The following ATG7 variants were observed in gnomAD, a reference collection of about 807,000 sequenced individuals.
ATG7 encodes the protein autophagy related 7, also known as ubiquitin-like modifier-activating enzyme ATG7.
A neutral mutation model predicts 82.4 loss-of-function variants in ATG7; 70 were observed. The observed-to-expected ratio is 0.85, with a 90% CI of 0.70 to 1.04. ATG7 has a LOEUF of 1.04. Ranked by LOEUF, ATG7 falls within the 50% of genes least tolerant of loss-of-function variation. The pLI, the probability that ATG7 is intolerant of heterozygous loss-of-function variation, is 0.00. For missense variants in ATG7, 792 were observed against 864.3 expected, an observed-to-expected ratio of 0.92 and a Z score of 1.05; for synonymous variants, 287 against 313.0, an observed-to-expected ratio of 0.92 and a Z score of 0.88.
chr3:11,434,343 G>T (rs889573653), intron 20 of ATG7, among the ~76,000 whole-genome samples: 1 of 152,230 alleles, frequency 6.6e-6, no homozygotes, highest in African/African-American at 2.4e-5. Flanking sequence ...CCAATGGAGA[G>T]AAATCGCTCT....
the ATG7 span, chr3:11,568,802 C>T: frequency 9.5e-5 from 136 of 1,438,006 alleles, no homozygotes; most frequent in Admixed American, 8.4e-4. The surrounding 1 kb of genome is among the most constrained non-coding windows in gnomAD (Gnocchi z 5.9). Flanking sequence ...CCGAGAGAGC[C>T]CACGGCATCC....
At chr3:11,477,952 A>C (rs1233219330) in intron 20 of ATG7, among the ~76,000 whole-genome samples, 1 of 152,186 alleles carries the variant, frequency 6.6e-6, no homozygotes, top group Non-Finnish European at 1.5e-5. Context: ...AGCAGTCTCT[A>C]TCTTCTACCT....
At chr3:11,530,912 C>G (rs1559805615) in intron 20 of ATG7, among the ~76,000 whole-genome samples, 2 of 152,160 alleles carry the variant, frequency 1.3e-5, no homozygotes, top group Non-Finnish European at 1.5e-5. Context: ...CCCTGGGAGG[C>G]AGAGGTTGCA....
chr3:11,422,145 G>A (rs2081986333), intron 19 of ATG7, among the ~76,000 whole-genome samples: 1 of 152,208 alleles, frequency 6.6e-6, no homozygotes, highest in Admixed American at 6.5e-5. Context: ...GTCACCAGCT[G>A]TTTTGGTCTT....
Position 11,359,573 on chromosome 3 carries a change from G to A in ATG7, c.1479+961G>A, listed in dbSNP as rs115215954. On this transcript the variant is annotated intron_variant, in intron 15 of 20. Coordinates refer to ENST00000693202, the MANE Select transcript of ATG7 (RefSeq NM_001349232.2). ...TAGCTAGGTGTGGTGATGCACACCC[G>A]TGCTCCCAGCTACTCAGGAGGGTGA... Among the ~76,000 whole-genome samples the A allele has an allele frequency of 2.3e-3, 354 of 152,092 alleles. 1 individual carries two copies. The highest frequency in any genetic ancestry group is 7.8e-3 in the African/African-American group (323 of 41,480).
At chr3:11,530,356 T>G (rs1182054477) in intron 20 of ATG7, among the ~76,000 whole-genome samples, 3 of 152,194 alleles carry the variant, frequency 2.0e-5, no homozygotes, top group Non-Finnish European at 4.4e-5. Context: ...CGAGAAGCAC[T>G]CTGCATCGCC....
intron 19 of ATG7, among the ~76,000 whole-genome samples, chr3:11,395,763 A>G (rs968585156): frequency 6.6e-6 from 1 of 151,746 alleles, no homozygotes; most frequent in Admixed American, 6.6e-5. Context: ...ACACGGTGAA[A>G]CCCCGTCTCT....
chr3:11,378,138 C>G (rs892399609), intron 18 of ATG7, among the ~76,000 whole-genome samples: 7 of 148,280 alleles, frequency 4.7e-5, no homozygotes, highest in Non-Finnish European at 8.9e-5. Context: ...CTCAGCCTCC[C>G]GAGGAGCTGG....
At chr3:11,531,267 A>AG (rs2124977034) in intron 20 of ATG7, among the ~76,000 whole-genome samples, 1 of 152,332 alleles carries the variant, frequency 6.6e-6, no homozygotes, top group Admixed American at 6.5e-5. Context: ...GAGGAAGTCA[A>AG]GGAAGAGTAT....
At chr3:11,561,891 C>CTTT (rs35380668), downstream of ATG7, among the ~76,000 whole-genome samples, 2,042 of 88,548 alleles carry the variant, frequency 0.023, 45 homozygotes, top group Middle Eastern at 0.032. Context: ...CTGCGCCAAA[C>CTTT]TTTTTTTTTT....
At chr3:11,330,157 C>T (rs911833279) in intron 9 of ATG7, among the ~76,000 whole-genome samples, 1 of 152,110 alleles carries the variant, frequency 6.6e-6, no homozygotes, top group Non-Finnish European at 1.5e-5. Flanking sequence ...AAATTGATTG[C>T]TTGCTTAAGG....
chr3:11,398,560 G>A (rs1043826175), intron 19 of ATG7, among the ~76,000 whole-genome samples: 3 of 152,188 alleles, frequency 2.0e-5, no homozygotes, highest in Admixed American at 1.3e-4. Context: ...AGGATATGGA[G>A]AAAGCAGTAC....
the ATG7 span, among the ~76,000 whole-genome samples, chr3:11,567,637 G>A: frequency 6.6e-6 from 1 of 152,174 alleles, no homozygotes; most frequent in Admixed American, 6.5e-5. Flanking sequence ...TTTCTGCAAT[G>A]AATGCCTCAA....
At chr3:11,500,216 C>T (rs1302674659) in intron 20 of ATG7, among the ~76,000 whole-genome samples, 2 of 152,098 alleles carry the variant, frequency 1.3e-5, no homozygotes, top group Non-Finnish European at 1.5e-5. Context: ...GATGTAATGT[C>T]TCAAACCCCC....
chr3:11,479,522 T>C (rs889473046), intron 20 of ATG7, among the ~76,000 whole-genome samples: 20 of 152,152 alleles, frequency 1.3e-4, no homozygotes, highest in Non-Finnish European at 2.9e-4. Context: ...GAGCAGTGCA[T>C]CTTTCAACTA....
intron 20 of ATG7, among the ~76,000 whole-genome samples, chr3:11,547,358 CCT>C (rs1309018909): frequency 4.6e-5 from 7 of 152,146 alleles, no homozygotes; most frequent in South Asian, 2.1e-4. Flanking sequence ...GTGACATTCC[CCT>C]GTGTGGACAG....
At chr3:11,483,949 T>G (rs1334830327) in intron 20 of ATG7, among the ~76,000 whole-genome samples, 1 of 152,208 alleles carries the variant, frequency 6.6e-6, no homozygotes, top group Non-Finnish European at 1.5e-5. Flanking sequence ...TGGGATAAAT[T>G]CCATCATTAC....
At chr3:11,459,159 A>C (rs1157937064) in intron 20 of ATG7, among the ~76,000 whole-genome samples, 1 of 123,980 alleles carries the variant, frequency 8.1e-6, no homozygotes, top group Admixed American at 9.1e-5. Context: ...TAAAGTGAGG[A>C]GGGGGAGTCA....
chr3:11,396,944 G>T (rs2079346973), intron 19 of ATG7, among the ~76,000 whole-genome samples: 1 of 151,944 alleles, frequency 6.6e-6, no homozygotes, highest in African/African-American at 2.4e-5. Context: ...ATAACTGATA[G>T]ACTAAACAGT....
Sources: gnomAD v4.1 joint callset for allele counts (sites outside exome capture counted in the v4.1 genomes callset) on GRCh38, gnomAD v4.1.1 for gene constraint, Gnocchi (gnomAD v3.1) non-coding constraint, MANE v1.5 for transcripts, NCBI Gene and HGNC (gene_info 2026-07-23, HGNC 2026-07-21) for gene names.